The following APOD variants were observed in gnomAD, a reference collection of about 807,000 sequenced individuals.
APOD encodes apo-D.
In APOD, 22 loss-of-function variants were observed where a neutral mutation model predicts 20.4. The observed-to-expected ratio is 1.08, with a 90% CI of 0.77 to 1.54. The LOEUF (loss-of-function observed/expected upper bound fraction) is 1.54. APOD is among the 40% of genes most tolerant of loss of function. APOD has a pLI of 0.00. For missense variants in APOD, 223 were observed against 229.6 expected, an observed-to-expected ratio of 0.97 and a Z score of 0.19; for synonymous variants, 97 against 92.4, an observed-to-expected ratio of 1.05 and a Z score of -0.29.
Position 195,568,777 on chromosome 3 carries a change from A to T in APOD, c.*123T>A. 4.3e-6 allele frequency: 3 copies of T among 696,972 alleles called. No homozygotes were observed. The highest frequency in any genetic ancestry group is 2.1e-5 in the African/African-American group (1 of 48,710). The allele number at this position is 696,972 out of a possible 1,614,324, so 43.2% of individuals were successfully genotyped here. ...AGCTAGCAAGGTAACAGGGTAGGGC[A>T]TGGTTACATGTTCAGGTCAACTTCC... On this transcript the variant is annotated 3_prime_UTR_variant, in exon 5 of 5. Coordinates refer to ENST00000343267, the MANE Select transcript of APOD (RefSeq NM_001647.4).
intron 4 of APOD, chr3:195,571,047 G>A (rs560445762): frequency 6.3e-5 from 35 of 559,140 alleles, no homozygotes; most frequent in Non-Finnish European, 1.0e-4. Context: ...GCGGGGTCAC[G>A]TGTCAGTATC....
At chr3:195,579,123 A>G (rs56062729) in intron 2 of APOD, among the ~76,000 whole-genome samples, 22,770 of 151,988 alleles carry the variant, frequency 0.15, 4,908 homozygotes, top group African/African-American at 0.48. Context: ...TCTCCGACTC[A>G]CCTTCCCACC....
At position 195,569,062 on chromosome 3, in the gene APOD, G is replaced by C; in HGVS notation, c.408C>G (p.Cys136Trp). 6.2e-7 allele frequency: 1 copy of C among 1,614,192 alleles called. No homozygotes were observed. Among genetic ancestry groups the C allele is most frequent in the Non-Finnish European group, 8.5e-7 (1 of 1,180,038 alleles). Reference sequence around the variant, plus strand: ...AATCCACGTGAAAAAGTTGGATGATGCAGGTACAGGAATACACGAGGGCAT... The same window carrying C: ...AATCCACGTGAAAAAGTTGGATGATCCAGGTACAGGAATACACGAGGGCAT... ...ENYALVYSCT[C>W]IIQLFHVDFA... Residue 136 changes from cysteine (C) to tryptophan (W), a missense_variant, in exon 5 of 5, where the codon TGC becomes TGG. Physicochemically the swap from Cys to Trp is radical, Grantham distance 215. Coordinates refer to ENST00000343267, the MANE Select transcript of APOD (RefSeq NM_001647.4).
chr3:195,569,043 C>T lies in APOD; in HGVS notation c.427G>A (p.Val143Met), dbSNP rs149533188. 6.3e-5 allele frequency: 102 copies of T among 1,614,048 alleles called. No homozygotes were observed. In the African/African-American group the frequency reaches 6.7e-4, roughly 11 times the overall value. The change falls in exon 5 of 5, where the codon GTG (valine) becomes ATG (methionine). Residue 143 changes from valine to methionine, a missense_variant. Physicochemically the swap from Val to Met is conservative, Grantham distance 21. Coordinates refer to ENST00000343267, the MANE Select transcript of APOD (RefSeq NM_001647.4). ...CTTGCCAAGATCCAAGCAAAATCCACGTGAAAAAGTTGGATGATGCAGGTA... is the reference window on the plus strand; with the variant it reads ...CTTGCCAAGATCCAAGCAAAATCCATGTGAAAAAGTTGGATGATGCAGGTA... ...SCTCIIQLFH[V>M]DFAWILARNP...
chr3:195,578,622 T>A (rs1720285542), intron 2 of APOD, among the ~76,000 whole-genome samples: 1 of 152,028 alleles, frequency 6.6e-6, no homozygotes, highest in Non-Finnish European at 1.5e-5. Context: ...ATGGAGGAGC[T>A]CGTTGTATTG....
At position 195,573,979 on chromosome 3, in the gene APOD, G is replaced by A; in HGVS notation, c.124-8C>T. On this transcript the variant is annotated splice_polypyrimidine_tract_variant and splice_region_variant and intron_variant, in intron 2 of 4. Coordinates refer to ENST00000343267, the MANE Select transcript of APOD (RefSeq NM_001647.4). ...GTACCATCTTCCGAGATACTGCAGAGACAACAAGCAGAGCAAAACCCTGTG... is the reference window on the plus strand; with the variant it reads ...GTACCATCTTCCGAGATACTGCAGAAACAACAAGCAGAGCAAAACCCTGTG... 7 of 1,613,748 alleles carry A rather than the reference G, an allele frequency of 4.3e-6. No individual in the cohort carries two copies. The highest frequency in any genetic ancestry group is 5.9e-6 in the Non-Finnish European group (7 of 1,179,788).
At chr3:195,569,850 A>G (rs1267070758) in intron 4 of APOD, among the ~76,000 whole-genome samples, 1 of 115,396 alleles carries the variant, frequency 8.7e-6, no homozygotes, top group Non-Finnish European at 1.6e-5. Context: ...CCCAGGCTGG[A>G]GTGCAATGGC....
intron 2 of APOD, among the ~76,000 whole-genome samples, chr3:195,575,077 T>C (rs1444042648): frequency 6.6e-6 from 1 of 152,248 alleles, no homozygotes; most frequent in Non-Finnish European, 1.5e-5. Context: ...TGTGTTTCCC[T>C]CTGGGAGCTC....
chr3:195,569,728 C>T (rs1720124754), intron 4 of APOD, among the ~76,000 whole-genome samples: 1 of 151,586 alleles, frequency 6.6e-6, no homozygotes, highest in African/African-American at 2.4e-5. Flanking sequence ...AACCTCATGC[C>T]CCTCTTCATG....
At chr3:195,570,962 G>A (rs1326814078) in intron 4 of APOD, 1 of 354,560 alleles carries the variant, frequency 2.8e-6, no homozygotes, top group African/African-American at 2.0e-5. Flanking sequence ...ACTGGGTTGT[G>A]TCTTCTGCAG....
intron 4 of APOD, among the ~76,000 whole-genome samples, chr3:195,569,384 CAGAG>C (rs141258760): frequency 2.7e-5 from 4 of 150,506 alleles, no homozygotes; most frequent in African/African-American, 4.9e-5. Context: ...GAGAGAGAGA[CAGAG>C]AGAGAGAGAG....
At chr3:195,576,788 T>A (rs1438709278) in intron 2 of APOD, among the ~76,000 whole-genome samples, 2 of 151,594 alleles carry the variant, frequency 1.3e-5, no homozygotes, top group Middle Eastern at 6.9e-3. Context: ...CCAGCCTGGG[T>A]GACAGAGCAA....
chr3:195,571,402 G>A lies in APOD; in HGVS notation c.246-37C>T, dbSNP rs6799359. On this transcript the variant is annotated intron_variant, in intron 3 of 4. Transcript: ENST00000343267. The stretch of plus-strand genomic sequence containing the variant: ...TAAAAAAAGAAAAAATACAAAAAAC[G>A]AAAAGAGAAAAGAAAAACAACTCAT... 3.1e-3 allele frequency: 4,764 copies of A among 1,528,292 alleles called. 122 individuals carry two copies. The African/African-American group carries it at 0.058, about 19-fold the overall frequency. 94.7% of individuals were successfully genotyped at this position (1,528,292 alleles called of 1,614,324 possible).
intron 4 of APOD, 70 bp downstream of exon 4, chr3:195,571,207 A>G (rs753071312): frequency 1.5e-6 from 2 of 1,354,684 alleles, no homozygotes; most frequent in African/African-American, 1.4e-5. Context: ...GAATTCTCCA[A>G]GCCGGGGCGC....
chr3:195,571,195 A>C (rs1346551718), intron 4 of APOD, 82 bp downstream of exon 4: 3 of 1,185,720 alleles, frequency 2.5e-6, no homozygotes. Context: ...CAGGTGTCTC[A>C]GGAATTCTCC....
intron 3 of APOD, among the ~76,000 whole-genome samples, chr3:195,572,251 C>G (rs998422541): frequency 6.6e-6 from 1 of 152,172 alleles, no homozygotes; most frequent in Non-Finnish European, 1.5e-5. Flanking sequence ...GAGACTCCCT[C>G]TAGTTCAGCA....
chr3:195,580,368 C>CCT (rs1553788028), intron 1 of APOD, among the ~76,000 whole-genome samples: 1 of 140,642 alleles, frequency 7.1e-6, no homozygotes, highest in African/African-American at 2.7e-5. Context: ...TTTCTTTCTT[C>CCT]TTTTTTTTTT....
intron 3 of APOD, 29 bp downstream of exon 3, chr3:195,573,821 C>G: frequency 6.2e-7 from 1 of 1,611,204 alleles, no homozygotes; most frequent in Non-Finnish European, 8.5e-7. Flanking sequence ...ACTCCGCAGG[C>G]CTGGCCCCGG....
intron 4 of APOD, among the ~76,000 whole-genome samples, chr3:195,569,547 C>T (rs111871442): frequency 3.9e-5 from 6 of 152,244 alleles, no homozygotes; most frequent in African/African-American, 1.4e-4. Flanking sequence ...CTGCACTCAC[C>T]CAGGCTGGCA....
Sources: allele counts gnomAD v4.1 joint callset (sites outside exome capture counted in the v4.1 genomes callset), GRCh38; gene constraint gnomAD v4.1.1; transcripts MANE v1.5; gene names NCBI Gene and HGNC (gene_info 2026-07-23, HGNC 2026-07-21).